Variants in PNLIP observed in about 807,000 individuals in gnomAD.
PNLIP encodes the protein pancreatic triacylglycerol lipase.
PNLIP carries 49 observed loss-of-function variants against 57.1 expected under a neutral mutation model. The ratio of observed to expected loss-of-function variants is 0.86; its 90% CI spans 0.68 to 1.09. The LOEUF is 1.09. Ranked by LOEUF, PNLIP falls within the 50% of genes least tolerant of loss-of-function variation. The probability of loss-of-function intolerance (pLI) is 0.00; values close to 1 mark genes in which losing one functional copy is unlikely to be tolerated. For missense variants in PNLIP, 503 were observed against 570.2 expected (o/e 0.88, Z 1.20); for synonymous variants, 209 against 200.4 (o/e 1.04, Z -0.36).
At chr10:116,553,696 A>G (rs1177860471) in intron 5 of PNLIP, 31 bp from the exon 6 acceptor site, 2 of 1,408,768 alleles carry the variant, frequency 1.4e-6, no homozygotes, top group Non-Finnish European at 2.0e-6. Flanking sequence ...CTGCACTTGA[A>G]AACATTCTGA....
intron 9 of PNLIP, among the ~76,000 whole-genome samples, chr10:116,558,079 T>A (rs1847271666): frequency 6.6e-6 from 1 of 150,926 alleles, no homozygotes; most frequent in Non-Finnish European, 1.5e-5. Context: ...TTTTAAACCT[T>A]TAAAAAAAAA....
rs1453669059 is a variant in PNLIP at position 116,556,462 on chromosome 10, G to A, written c.930+344G>A. Among the ~76,000 whole-genome samples, 4 of 152,128 alleles carry A rather than the reference G, an allele frequency of 2.6e-5. No homozygotes were observed. In the East Asian group the frequency reaches 7.7e-4, roughly 29 times the overall value. On this transcript the variant is annotated intron_variant, in intron 9 of 12. Transcript: ENST00000369221. The stretch of plus-strand genomic sequence containing the variant: ...TGAACATGGAAAAATTTTCTTAAAT[G>A]CTGACCTTTCTAACTATTAATATAT...
intron 12 of PNLIP, among the ~76,000 whole-genome samples, chr10:116,564,330 A>C (rs1195541684): frequency 3.3e-5 from 5 of 152,202 alleles, no homozygotes; most frequent in Admixed American, 2.6e-4. Context: ...TAAAGAAAAA[A>C]ATAACAGCAA....
At chr10:116,547,642 C>T (rs1847143409) in intron 3 of PNLIP, among the ~76,000 whole-genome samples, 194 bp downstream of exon 3, 1 of 146,798 alleles carries the variant, frequency 6.8e-6, no homozygotes. Context: ...AGGAGGATGG[C>T]GTGAACCCGG....
At chr10:116,555,051 T>C (rs1177798898) in intron 6 of PNLIP, 127 bp from the exon 7 acceptor site, 27 of 1,043,204 alleles carry the variant, frequency 2.6e-5, no homozygotes, top group Non-Finnish European at 3.6e-5. Context: ...TAGAAGTAGA[T>C]TCCTCTTCAG....
At chr10:116,550,619 G>A (rs1847181045) in intron 4 of PNLIP, among the ~76,000 whole-genome samples, 1 of 152,148 alleles carries the variant, frequency 6.6e-6, no homozygotes, top group Non-Finnish European at 1.5e-5. Context: ...ATTTATATAA[G>A]GGGTCCTAAC....
chr10:116,551,132 G>T lies in PNLIP; in HGVS notation c.359G>T (p.Cys120Phe), dbSNP rs1478816898. ...LFKVESVNCI[C>F]VDWKGGSRTG... ...AAGGTGGAAAGTGTGAACTGTATCT[G>T]TGTGGACTGGAAAGGTGGCTCCCGA... The change falls in exon 5 of 13, where the codon TGT (cysteine) becomes TTT (phenylalanine). Residue 120 changes from cysteine (C) to phenylalanine (F), a missense_variant. By Grantham distance (205) the Cys-to-Phe change is radical (BLOSUM62 -2). Coordinates refer to ENST00000369221, the MANE Select transcript of PNLIP (RefSeq NM_000936.4). 2.5e-6 allele frequency: 4 copies of T among 1,611,782 alleles called. No individual in the cohort carries two copies. Among genetic ancestry groups the T allele is most frequent in the Middle Eastern group, 1.7e-4 (1 of 6,060 alleles).
At chr10:116,548,292 C>G in intron 3 of PNLIP, 68 bp from the exon 4 acceptor site, 1 of 1,521,690 alleles carries the variant, frequency 6.6e-7, no homozygotes, top group Non-Finnish European at 9.0e-7. Flanking sequence ...TACTGCCCCT[C>G]TCCATGTACA....
intron 5 of PNLIP, 28 bp from the exon 6 acceptor site, chr10:116,553,699 C>T: frequency 1.4e-6 from 2 of 1,425,402 alleles, no homozygotes; most frequent in East Asian, 4.5e-5. Flanking sequence ...CACTTGAAAA[C>T]ATTCTGAAAA....
intron 12 of PNLIP, among the ~76,000 whole-genome samples, chr10:116,566,662 T>C (rs3010492): frequency 0.89 from 134,711 of 152,118 alleles, 59,915 homozygotes; most frequent in South Asian, 0.92. Flanking sequence ...ATTAAGGTAC[T>C]GTTTCTGAAT....
At chr10:116,556,157 C>T in intron 9 of PNLIP, 39 bp downstream of exon 9, 1 of 1,139,380 alleles carries the variant, frequency 8.8e-7, no homozygotes, top group Non-Finnish European at 1.3e-6. Context: ...AATTTTGTGA[C>T]TGTCACTTCT....
intron 10 of PNLIP, 113 bp from the exon 11 acceptor site, chr10:116,560,300 CACA>C: frequency 1.7e-6 from 1 of 605,874 alleles, no homozygotes; most frequent in Non-Finnish European, 3.0e-6. Flanking sequence ...CACACACACA[CACA>C]CACACAATTA....
chr10:116,555,324 G>A (rs1442396635), intron 7 of PNLIP, 27 bp downstream of exon 7: 1 of 1,614,080 alleles, frequency 6.2e-7, no homozygotes, highest in East Asian at 2.2e-5. Context: ...GTCCCCCAAA[G>A]GGTGTTATAG....
At chr10:116,553,679 C>T (rs1371363669) in intron 5 of PNLIP, 48 bp from the exon 6 acceptor site, 2 of 1,122,320 alleles carry the variant, frequency 1.8e-6, no homozygotes, top group African/African-American at 3.0e-5. Flanking sequence ...TGTTGAGCAA[C>T]TCATGACTGC....
rs541083571 is a variant in PNLIP at position 116,566,205 on chromosome 10, A to G, written c.1335-1530A>G. Among the ~76,000 whole-genome samples the G allele has an allele frequency of 4.6e-5, 7 of 152,356 alleles. No individual in the cohort carries two copies. In the South Asian group the frequency reaches 1.2e-3, roughly 27 times the overall value. ...ACAAACTATGGTCTATGGTCTGTCC[A>G]TACAATGGAATATTACTCAGCAGTA... is the stretch of plus-strand genomic sequence containing the variant. On this transcript the variant is annotated intron_variant, in intron 12 of 12. Transcript: ENST00000369221.
intron 5 of PNLIP, among the ~76,000 whole-genome samples, chr10:116,553,168 C>G (rs146794807): frequency 2.0e-5 from 3 of 152,148 alleles, no homozygotes; most frequent in African/African-American, 7.2e-5. Context: ...CGCAATGGCG[C>G]GATCTCGGCT....
At chr10:116,555,551 T>G (rs201537999) in intron 8 of PNLIP, 44 bp downstream of exon 8, 1 of 1,595,230 alleles carries the variant, frequency 6.3e-7, no homozygotes, top group Admixed American at 1.8e-5. Flanking sequence ...GGGAGAAAGC[T>G]TGTGTTTTGT....
At chr10:116,558,303 T>A (rs1167849014) in intron 9 of PNLIP, among the ~76,000 whole-genome samples, 1 of 151,088 alleles carries the variant, frequency 6.6e-6, no homozygotes, top group Non-Finnish European at 1.5e-5. Flanking sequence ...GTTCACACCA[T>A]CCTGCCTCAG....
intron 12 of PNLIP, among the ~76,000 whole-genome samples, chr10:116,562,878 C>T (rs1847328502): frequency 6.6e-6 from 1 of 152,116 alleles, no homozygotes; most frequent in Admixed American, 6.6e-5. Flanking sequence ...TGACCAAGAT[C>T]TGTAAAGAAA....
Sources: gnomAD v4.1 joint callset for allele counts (sites outside exome capture counted in the v4.1 genomes callset) on GRCh38, gnomAD v4.1.1 for gene constraint, MANE v1.5 for transcripts, NCBI Gene and HGNC (gene_info 2026-07-23, HGNC 2026-07-21) for gene names.